Variants in PHF21A observed in about 807,000 individuals in gnomAD.
PHF21A encodes BHC80a.
In PHF21A, 11 loss-of-function variants were observed where a neutral mutation model predicts 82.5. The ratio of observed to expected loss-of-function variants is 0.13; its 90% CI spans 0.08 to 0.22. The LOEUF (loss-of-function observed/expected upper bound fraction) is 0.22, where lower values mean the gene tolerates loss of function less well. PHF21A is among the 10% of genes least tolerant of loss of function. The pLI is 1.00. For synonymous variants in PHF21A, 297 were observed against 302.8 expected (o/e 0.98, Z 0.20); for missense variants, 579 against 837.8 (o/e 0.69, Z 3.81).
In PHF21A at chr11:45,933,114, T is replaced by C. The variant is rs1413315015; in HGVS notation, c.*854A>G. On this transcript the variant is annotated 3_prime_UTR_variant, in exon 19 of 19. Transcript: ENST00000676320. Reference sequence around the variant, plus strand: ...GCTTGTTTTCAAGTAAAATCACTGATCCACCTTTTTTTCCTTCCTGGACAC... The same window carrying C: ...GCTTGTTTTCAAGTAAAATCACTGACCCACCTTTTTTTCCTTCCTGGACAC... 2 of 152,640 alleles carry C rather than the reference T, an allele frequency of 1.3e-5. No homozygotes were observed. Among genetic ancestry groups the C allele is most frequent in the African/African-American group, 2.4e-5 (1 of 41,474 alleles). 9.5% of individuals were successfully genotyped at this position (152,640 alleles called of 1,614,324 possible).
chr11:46,015,306 C>T (rs1039100171), intron 6 of PHF21A, among the ~76,000 whole-genome samples: 1 of 152,108 alleles, frequency 6.6e-6, no homozygotes, highest in Non-Finnish European at 1.5e-5. Flanking sequence ...TCTGTTTGCT[C>T]TGATAGTTTC....
At chr11:46,010,911 TTCTC>T (rs2095399912) in intron 6 of PHF21A, among the ~76,000 whole-genome samples, 1 of 152,090 alleles carries the variant, frequency 6.6e-6, no homozygotes, top group Admixed American at 6.5e-5. Flanking sequence ...ACCAGCTCCT[TTCTC>T]TCCTACTATA....
Position 45,930,254 on chromosome 11 carries a change from T to C in PHF21A, c.*3714A>G, listed in dbSNP as rs1351616585. Reference sequence around the variant, plus strand: ...AGCCGTGCATGCGGAGACGGAAGCGTGCTGCAGACACGGTCACCCTCACGG... The same window carrying C: ...AGCCGTGCATGCGGAGACGGAAGCGCGCTGCAGACACGGTCACCCTCACGG... On this transcript the variant is annotated 3_prime_UTR_variant, in exon 19 of 19. Transcript: ENST00000676320. 3.9e-5 allele frequency: 6 copies of C among 152,164 alleles called. No homozygotes were observed. The highest frequency in any genetic ancestry group is 7.2e-5 in the African/African-American group (3 of 41,394). 9.4% of individuals were successfully genotyped at this position (152,164 alleles called of 1,614,324 possible).
chr11:46,071,609 G>C (rs971475870), intron 6 of PHF21A, among the ~76,000 whole-genome samples: 2 of 152,104 alleles, frequency 1.3e-5, no homozygotes. Flanking sequence ...ATGCAGAATT[G>C]TTAGGGTAAT....
intron 6 of PHF21A, among the ~76,000 whole-genome samples, chr11:45,988,423 T>A (rs1014497994): frequency 2.0e-5 from 3 of 152,202 alleles, no homozygotes; most frequent in Admixed American, 2.0e-4. Context: ...AATGTAATAT[T>A]TGCCTTACAT....
intron 10 of PHF21A, among the ~76,000 whole-genome samples, chr11:45,958,464 A>ACACACACACACACACC (rs1264183679): frequency 7.9e-6 from 1 of 126,368 alleles, no homozygotes; most frequent in East Asian, 2.2e-4. Flanking sequence ...ACACACACAC[A>ACACACACACACACACC]CACACATATA....
chr11:45,963,718 C>G (rs756624123), intron 10 of PHF21A, among the ~76,000 whole-genome samples: 7 of 151,916 alleles, frequency 4.6e-5, no homozygotes, highest in Non-Finnish European at 8.8e-5. Context: ...ATTTAATAAC[C>G]TAAAATAGTG....
At chr11:46,090,164 A>G (rs1395286555) in intron 3 of PHF21A, among the ~76,000 whole-genome samples, 1 of 152,030 alleles carries the variant, frequency 6.6e-6, no homozygotes, top group East Asian at 1.9e-4. Flanking sequence ...GAGGTTGGGG[A>G]GTAAGGTATG....
chr11:45,983,955 G>A (rs938041944), intron 6 of PHF21A, among the ~76,000 whole-genome samples: 9 of 152,110 alleles, frequency 5.9e-5, no homozygotes, highest in African/African-American at 2.2e-4. Context: ...AAATGAAGAC[G>A]TCATGACTGC....
intron 6 of PHF21A, among the ~76,000 whole-genome samples, chr11:45,991,088 A>G (rs546264721): frequency 6.6e-6 from 1 of 152,306 alleles, no homozygotes; most frequent in African/African-American, 2.4e-5. Flanking sequence ...TACTGCCTCC[A>G]TAGTTCTACC....
At chr11:46,050,855 G>T (rs1042330995) in intron 6 of PHF21A, among the ~76,000 whole-genome samples, 1 of 152,156 alleles carries the variant, frequency 6.6e-6, no homozygotes, top group Non-Finnish European at 1.5e-5. Flanking sequence ...TACAGCTATG[G>T]CATACACCCC....
intron 6 of PHF21A, among the ~76,000 whole-genome samples, chr11:45,994,968 A>C (rs903786195): frequency 2.0e-5 from 3 of 152,234 alleles, no homozygotes; most frequent in Non-Finnish European, 4.4e-5. Context: ...ATCTAACTCC[A>C]TCTTGAGCCC....
intron 6 of PHF21A, among the ~76,000 whole-genome samples, chr11:46,070,758 T>C (rs191776721): frequency 2.6e-5 from 4 of 152,292 alleles, no homozygotes; most frequent in African/African-American, 7.2e-5. Context: ...AACAACAAAA[T>C]TTAAAACCAA....
chr11:46,072,095 T>C (rs1457875702), intron 6 of PHF21A, among the ~76,000 whole-genome samples: 1 of 152,174 alleles, frequency 6.6e-6, no homozygotes, highest in Non-Finnish European at 1.5e-5. Context: ...AACAATCTAA[T>C]AAGGAAGACA....
intron 6 of PHF21A, among the ~76,000 whole-genome samples, chr11:46,034,839 G>A (rs887718027): frequency 6.6e-6 from 1 of 152,146 alleles, no homozygotes; most frequent in South Asian, 2.1e-4. Flanking sequence ...AGGGGATAGT[G>A]GGCATGTGAC....
chr11:45,990,736 T>C (rs1414445466), intron 6 of PHF21A, among the ~76,000 whole-genome samples: 2 of 152,044 alleles, frequency 1.3e-5, no homozygotes, highest in African/African-American at 2.4e-5. Flanking sequence ...AAGAAGACTT[T>C]ATTTTTAGAG....
At chr11:46,061,449 T>C (rs531163745) in intron 6 of PHF21A, among the ~76,000 whole-genome samples, 2 of 152,356 alleles carry the variant, frequency 1.3e-5, no homozygotes, top group African/African-American at 4.8e-5. Flanking sequence ...TGTATTATTA[T>C]ATAAATAACA....
rs546506421 is a variant in PHF21A at position 45,974,895 on chromosome 11, G to A, written c.361-3528C>T. Among the ~76,000 whole-genome samples the A allele has an allele frequency of 4.9e-4, 74 of 152,332 alleles. No homozygotes were observed. The Middle Eastern group carries it at 0.01, about 21-fold the overall frequency. On this transcript the variant is annotated intron_variant, in intron 7 of 18. Transcript: ENST00000676320. ...TTTTGACAAAACCCAAATTGCATGA[G>A]CTAGAAGTTAATGCAGAAATACATG...
At chr11:46,053,264 T>C (rs1565751329) in intron 6 of PHF21A, among the ~76,000 whole-genome samples, 1 of 152,116 alleles carries the variant, frequency 6.6e-6, no homozygotes, top group Non-Finnish European at 1.5e-5. Flanking sequence ...TTACAAAATA[T>C]CAATATGAAA....
Sources: allele counts gnomAD v4.1 joint callset (sites outside exome capture counted in the v4.1 genomes callset), GRCh38; gene constraint gnomAD v4.1.1; transcripts MANE v1.5; gene names NCBI Gene and HGNC (gene_info 2026-07-23, HGNC 2026-07-21).